AGPS: variants seen among roughly 807,000 people sequenced by gnomAD.
AGPS encodes the protein alkyldihydroxyacetonephosphate synthase, peroxisomal.
In AGPS, 26 loss-of-function variants were observed where a neutral mutation model predicts 90.7. The observed-to-expected ratio is 0.29, with a 90% CI of 0.21 to 0.40. AGPS has a LOEUF of 0.40. Among genes scored for constraint, AGPS ranks in the 10% least tolerant of loss-of-function variants. AGPS has a pLI of 1.00. For synonymous variants in AGPS, 294 were observed against 285.3 expected, an observed-to-expected ratio of 1.03 and a Z score of -0.31; for missense variants, 540 against 816.1, an observed-to-expected ratio of 0.66 and a Z score of 4.12.
intron 15 of AGPS, among the ~76,000 whole-genome samples, chr2:177,505,899 C>T (rs1381290885): frequency 6.6e-6 from 1 of 151,816 alleles, no homozygotes; most frequent in Non-Finnish European, 1.5e-5. Context: ...TAGCAACACT[C>T]TTCACTTAAT....
Position 177,539,746 on chromosome 2 carries a change from TAATA to T in AGPS, c.*1555_*1558del, listed in dbSNP as rs2079215810. On this transcript the variant is annotated 3_prime_UTR_variant, in exon 20 of 20. Coordinates refer to ENST00000264167, the MANE Select transcript of AGPS (RefSeq NM_003659.4). ...TTAACTATTAAAATTGGCCTCAAACTAATAAATCTGTAATTAAATTAGAATTAAA... is the reference window on the plus strand; with the variant it reads ...TTAACTATTAAAATTGGCCTCAAACTAATCTGTAATTAAATTAGAATTAAA... 2 of 152,056 alleles carry T rather than the reference TAATA, an allele frequency of 1.3e-5. No homozygotes were observed. The highest frequency in any genetic ancestry group is 1.3e-4 in the Admixed American group (2 of 15,248). The allele number at this position is 152,056 out of a possible 1,614,324, so 9.4% of individuals were successfully genotyped here.
chr2:177,479,831 G>T (rs1481540801), intron 10 of AGPS, among the ~76,000 whole-genome samples: 4 of 152,284 alleles, frequency 2.6e-5, no homozygotes, highest in Middle Eastern at 3.4e-3. Context: ...TGATGAAAAT[G>T]TTCTAAACTT....
chr2:177,536,973 T>C (rs940510598), intron 19 of AGPS, among the ~76,000 whole-genome samples: 1 of 152,184 alleles, frequency 6.6e-6, no homozygotes, highest in Non-Finnish European at 1.5e-5. Flanking sequence ...AATACTTTAA[T>C]GAAAGAAGGT....
chr2:177,451,331 A>G (rs1418121477), intron 8 of AGPS, among the ~76,000 whole-genome samples: 1 of 152,128 alleles, frequency 6.6e-6, no homozygotes, highest in Non-Finnish European at 1.5e-5. Flanking sequence ...GTATTTTTAA[A>G]AATTGTCAGT....
At chr2:177,397,569 A>AT (rs1361716926) in intron 1 of AGPS, among the ~76,000 whole-genome samples, 4 of 151,778 alleles carry the variant, frequency 2.6e-5, no homozygotes, top group Non-Finnish European at 5.9e-5. Flanking sequence ...TTTCCCAGTT[A>AT]TAACTTTGGC....
chr2:177,414,582 C>T (rs1685729978), intron 1 of AGPS, among the ~76,000 whole-genome samples: 1 of 151,944 alleles, frequency 6.6e-6, no homozygotes, highest in Non-Finnish European at 1.5e-5. Flanking sequence ...ATTTGGTTTA[C>T]CATATAGTTG....
rs1389768183 is a variant in AGPS, at chr2:177,539,411, A to C, written c.*1216A>C. ...CAAGCATTTGTACATTCAAACCTGG[A>C]TATTAAAGTGAAATGATTACTTTGA... On this transcript the variant is annotated 3_prime_UTR_variant, in exon 20 of 20. Transcript: ENST00000264167. The C allele has an allele frequency of 6.6e-6, 1 of 152,050 alleles. No homozygotes were observed. Among genetic ancestry groups the C allele is most frequent in the Admixed American group, 6.6e-5 (1 of 15,240 alleles). The allele number at this position is 152,050 out of a possible 1,614,324, so 9.4% of individuals were successfully genotyped here.
chr2:177,532,522 A>G (rs2079147633), intron 19 of AGPS, among the ~76,000 whole-genome samples: 1 of 152,218 alleles, frequency 6.6e-6, no homozygotes, highest in Admixed American at 6.5e-5. Flanking sequence ...GGGAATGTAA[A>G]GTGGTACAGC....
At chr2:177,504,419 A>G (rs912733496) in intron 14 of AGPS, among the ~76,000 whole-genome samples, 4 of 152,042 alleles carry the variant, frequency 2.6e-5, no homozygotes, top group Admixed American at 2.0e-4. Context: ...TTCTTTGCTC[A>G]TTAACATTCT....
intron 1 of AGPS, among the ~76,000 whole-genome samples, chr2:177,402,989 G>A (rs1166438528): frequency 6.6e-6 from 1 of 152,156 alleles, no homozygotes; most frequent in African/African-American, 2.4e-5. Context: ...CCTGGGAGGT[G>A]GAGGTTGCAG....
At chr2:177,491,821 T>C (rs548920035) in intron 11 of AGPS, among the ~76,000 whole-genome samples, 1 of 133,560 alleles carries the variant, frequency 7.5e-6, no homozygotes, top group East Asian at 2.6e-4. Context: ...GGTCTTGCAC[T>C]GTTGCCCAGG....
intron 16 of AGPS, among the ~76,000 whole-genome samples, chr2:177,510,117 A>G (rs1285846100): frequency 6.6e-6 from 1 of 152,194 alleles, no homozygotes; most frequent in East Asian, 1.9e-4. Context: ...TATACAGAGC[A>G]CCTTAGACTG....
At chr2:177,440,361 C>T (rs886475794) in intron 5 of AGPS, among the ~76,000 whole-genome samples, 1 of 152,074 alleles carries the variant, frequency 6.6e-6, no homozygotes. Context: ...ATGTAATGCA[C>T]TGACAAAGAT....
intron 19 of AGPS, 144 bp downstream of exon 19, chr2:177,523,949 TA>T: frequency 4.0e-6 from 3 of 744,762 alleles, no homozygotes; most frequent in Non-Finnish European, 6.8e-6. Context: ...AAATAGCTGT[TA>T]CTGAGGTAGA....
At chr2:177,429,700 C>T (rs940051013) in intron 2 of AGPS, among the ~76,000 whole-genome samples, 19 of 152,176 alleles carry the variant, frequency 1.2e-4, no homozygotes, top group African/African-American at 3.4e-4. Context: ...CTGGGAGCTC[C>T]GTCCCAGGGT....
intron 2 of AGPS, among the ~76,000 whole-genome samples, chr2:177,428,948 C>T (rs1046080213): frequency 2.0e-5 from 3 of 152,058 alleles, no homozygotes; most frequent in African/African-American, 7.2e-5. Context: ...CTTTCGGGTA[C>T]CCCAATCAGT....
intron 10 of AGPS, among the ~76,000 whole-genome samples, chr2:177,470,929 C>T (rs1445399091): frequency 6.6e-6 from 1 of 151,892 alleles, no homozygotes; most frequent in African/African-American, 2.4e-5. Context: ...GCCCGGTGTC[C>T]TCAGCCATAA....
At chr2:177,483,098 G>T (rs959955543) in intron 11 of AGPS, among the ~76,000 whole-genome samples, 2 of 152,096 alleles carry the variant, frequency 1.3e-5, no homozygotes, top group African/African-American at 2.4e-5. Context: ...ATCCAGAGCA[G>T]TGTGGAGGAA....
At chr2:177,515,400 T>C (rs972086633) in intron 17 of AGPS, among the ~76,000 whole-genome samples, 1 of 152,164 alleles carries the variant, frequency 6.6e-6, no homozygotes, top group Non-Finnish European at 1.5e-5. Flanking sequence ...AAATCTATTC[T>C]TGTGTAGTTG....
Sources: gnomAD v4.1 joint callset for allele counts (sites outside exome capture counted in the v4.1 genomes callset) on GRCh38, gnomAD v4.1.1 for gene constraint, MANE v1.5 for transcripts, NCBI Gene and HGNC (gene_info 2026-07-23, HGNC 2026-07-21) for gene names.